The following TECR variants were observed in gnomAD, a reference collection of about 807,000 sequenced individuals.
TECR encodes the protein very-long-chain enoyl-CoA reductase.
In TECR, 19 loss-of-function variants were observed where a neutral mutation model predicts 50.6. The observed-to-expected ratio is 0.38, with a 90% CI of 0.26 to 0.55. TECR has a LOEUF of 0.55. Ranked by LOEUF, TECR falls within the 20% of genes least tolerant of loss-of-function variation. TECR has a pLI of 0.79. For missense variants in TECR, 313 were observed against 408.3 expected (o/e 0.77, Z 2.01); for synonymous variants, 168 against 163.5 (o/e 1.03, Z -0.21).
chr19:14,564,048 A>G lies in TECR; in HGVS notation c.334A>G (p.Ile112Val). Residue 112 changes from isoleucine to valine, a missense_variant, in exon 6 of 13, where the codon ATC becomes GTC. Coordinates refer to ENST00000215567, the MANE Select transcript of TECR (RefSeq NM_138501.6). ...YLLFYFRVPFIYGHKYDFTSS... is the reference protein window; with the variant it reads ...YLLFYFRVPFVYGHKYDFTSS... ...GCTCTTCTACTTCCGAGTGCCCTTC[A>G]TCTATGGCCACAAATATGACTTTAC... is the stretch of plus-strand genomic sequence containing the variant. The G allele has an allele frequency of 1.2e-6, 2 of 1,613,638 alleles. No homozygotes were observed. The highest frequency in any genetic ancestry group is 2.2e-5 in the South Asian group (2 of 91,080).
chr19:14,552,459 T>C (rs1036403231), intron 1 of TECR, among the ~76,000 whole-genome samples: 4 of 152,070 alleles, frequency 2.6e-5, no homozygotes, highest in African/African-American at 7.2e-5. Context: ...GCTACTTACC[T>C]TGGGCGAGGG....
At position 14,563,391 on chromosome 19, in the gene TECR, G is replaced by C. The variant is rs1364916847; in HGVS notation, c.118+134G>C. On this transcript the variant is annotated intron_variant, in intron 3 of 12. Transcript: ENST00000215567. The surrounding 1 kb of genome is among the most constrained non-coding windows in gnomAD (Gnocchi z 5.3). ...CCAGTGTGGCCCAGGCTTCTGGGGCGTGACTGGGGCAGGCGCCTCCACGTG... is the reference window on the plus strand; with the variant it reads ...CCAGTGTGGCCCAGGCTTCTGGGGCCTGACTGGGGCAGGCGCCTCCACGTG... The C allele has an allele frequency of 1.0e-6, 1 of 959,948 alleles. No homozygotes were observed. Among genetic ancestry groups the C allele is most frequent in the Non-Finnish European group, 1.6e-6 (1 of 611,354 alleles). The allele number at this position is 959,948 out of a possible 1,614,324, so 59.5% of individuals were successfully genotyped here.
intron 1 of TECR, among the ~76,000 whole-genome samples, chr19:14,538,707 A>AT (rs2072991285): frequency 6.7e-6 from 1 of 148,296 alleles, no homozygotes; most frequent in African/African-American, 2.5e-5. Flanking sequence ...TAATTTTTGT[A>AT]TTTTTAGTAG....
intron 1 of TECR, 154 bp from the exon 2 acceptor site, chr19:14,562,371 A>G (rs945577046): frequency 3.1e-5 from 24 of 780,544 alleles, no homozygotes; most frequent in African/African-American, 2.6e-4. Flanking sequence ...GGCAGAGCCG[A>G]GTGGCAGGGC....
intron 1 of TECR, among the ~76,000 whole-genome samples, chr19:14,552,477 G>A (rs920525422): frequency 1.7e-4 from 26 of 151,892 alleles, no homozygotes; most frequent in Middle Eastern, 3.4e-3. Context: ...GGGCTTCCTC[G>A]TTCCCAAGCC....
intron 1 of TECR, among the ~76,000 whole-genome samples, chr19:14,551,375 A>G (rs898978049): frequency 6.6e-6 from 1 of 152,016 alleles, no homozygotes; most frequent in Non-Finnish European, 1.5e-5. Context: ...GCACCTGGCC[A>G]ATTATTATAT....
At position 14,552,357 on chromosome 19, in the gene TECR, C is replaced by T. The variant is rs1010268728; in HGVS notation, c.16-10168C>T. On this transcript the variant is annotated intron_variant, in intron 1 of 12. Transcript: ENST00000215567. ...CCTGCCTTTTCCTTTCTCTGTTGCA[C>T]ATAGCCCTGCTCTCTAGGATGGAGG... Among the ~76,000 whole-genome samples, 3 of 150,114 alleles carry T rather than the reference C, an allele frequency of 2.0e-5. No homozygotes were observed. The South Asian group carries it at 6.5e-4, about 32-fold the overall frequency.
At chr19:14,564,902 C>A (rs1177933042) in intron 8 of TECR, 44 bp downstream of exon 8, 1 of 1,614,084 alleles carries the variant, frequency 6.2e-7, no homozygotes, top group Non-Finnish European at 8.5e-7. Flanking sequence ...CGGTCCCCAC[C>A]CAGCGGGTCC....
At chr19:14,550,186 A>G (rs1252846756) in intron 1 of TECR, among the ~76,000 whole-genome samples, 1 of 152,074 alleles carries the variant, frequency 6.6e-6, no homozygotes, top group Non-Finnish European at 1.5e-5. Flanking sequence ...GTCAGTGAAC[A>G]AACGAGCCTC....
chr19:14,541,459 C>T (rs1044858226), intron 1 of TECR, among the ~76,000 whole-genome samples: 3 of 152,248 alleles, frequency 2.0e-5, no homozygotes, highest in Non-Finnish European at 4.4e-5. Context: ...AGGCCTTTTC[C>T]CGTCATAGGA....
chr19:14,562,651 T>C, intron 2 of TECR, 76 bp downstream of exon 2: 2 of 1,549,924 alleles, frequency 1.3e-6, no homozygotes, highest in Non-Finnish European at 1.8e-6. Flanking sequence ...CCAGGAGCTG[T>C]CCAGTGGGGC....
At chr19:14,562,133 G>C (rs1376121482) in intron 1 of TECR, 1 of 545,814 alleles carries the variant, frequency 1.8e-6, no homozygotes, top group Non-Finnish European at 3.3e-6. Context: ...TCTGTGGCAT[G>C]GCTCCTGGGG....
At chr19:14,535,222 A>C in intron 1 of TECR, among the ~76,000 whole-genome samples, 1 of 149,542 alleles carries the variant, frequency 6.7e-6, no homozygotes, top group African/African-American at 2.5e-5. Context: ...AAAATATAAA[A>C]ATTGGCCGGG....
intron 1 of TECR, among the ~76,000 whole-genome samples, chr19:14,535,009 T>C (rs2072811538): frequency 6.6e-6 from 1 of 152,120 alleles, no homozygotes. Flanking sequence ...CAGTGTGGAC[T>C]GCTGGGAGAG....
Position 14,564,174 on chromosome 19 carries a change from C to G in TECR, c.384-8C>G, listed in dbSNP as rs769607253. ...CCAGCCCCAGCTGAGCCTGCTCCCC[C>G]CGACCAGCCTCGCCTGCATCTGTCA... is the stretch of plus-strand genomic sequence containing the variant. On this transcript the variant is annotated splice_region_variant and splice_polypyrimidine_tract_variant and intron_variant, in intron 6 of 12. Transcript: ENST00000215567. The G allele has an allele frequency of 3.7e-5, 59 of 1,606,640 alleles. No homozygotes were observed. The highest frequency in any genetic ancestry group is 5.0e-5 in the Admixed American group (3 of 59,960).
At chr19:14,559,113 G>A (rs1029298747) in intron 1 of TECR, among the ~76,000 whole-genome samples, 1 of 152,036 alleles carries the variant, frequency 6.6e-6, no homozygotes, top group Non-Finnish European at 1.5e-5. Flanking sequence ...CCTCCCACCC[G>A]ACTGTTTTTA....
At chr19:14,552,144 CTTTT>C (rs939121738) in intron 1 of TECR, among the ~76,000 whole-genome samples, 4 of 141,608 alleles carry the variant, frequency 2.8e-5, no homozygotes, top group African/African-American at 1.1e-4. Flanking sequence ...TGGCCTTTTT[CTTTT>C]CTTTCTTTCT....
At chr19:14,529,013 T>A (rs2072507191), upstream of TECR, 1 of 153,626 alleles carries the variant, frequency 6.5e-6, no homozygotes, top group Non-Finnish European at 1.5e-5. Flanking sequence ...CACCCCAGAA[T>A]GGGGCTGGGG....
chr19:14,549,016 AT>A (rs111721704), intron 1 of TECR, among the ~76,000 whole-genome samples: 44,167 of 150,718 alleles, frequency 0.29, 8,024 homozygotes, highest in African/African-American at 0.5. Flanking sequence ...GGTTTCTTTG[AT>A]TTTTTTTTTC....
Sources: gnomAD v4.1 joint callset for allele counts (sites outside exome capture counted in the v4.1 genomes callset) on GRCh38, gnomAD v4.1.1 for gene constraint, Gnocchi (gnomAD v3.1) non-coding constraint, MANE v1.5 for transcripts, NCBI Gene and HGNC (gene_info 2026-07-23, HGNC 2026-07-21) for gene names.